The following SPAG16 variants were observed in gnomAD, a reference collection of about 807,000 sequenced individuals.
SPAG16 encodes the protein sperm associated antigen 16.
In SPAG16, 86 loss-of-function variants were observed where a neutral mutation model predicts 80.4. That is an observed-to-expected ratio of 1.07 (90% confidence interval 0.90 to 1.28). SPAG16 has a LOEUF of 1.28. Among genes scored for constraint, SPAG16 ranks in the 50% most tolerant of loss-of-function variants. SPAG16 has a pLI of 0.00. For missense variants in SPAG16, 870 were observed against 765.3 expected (o/e 1.14, Z -1.61); for synonymous variants, 294 against 265.9 (o/e 1.11, Z -1.03).
At position 213,593,742 on chromosome 2, in the gene SPAG16, A is replaced by T. The variant is rs1204367337; in HGVS notation, c.1070+103652A>T. On this transcript the variant is annotated intron_variant, in intron 10 of 15. Coordinates refer to ENST00000331683, the MANE Select transcript of SPAG16 (RefSeq NM_024532.5). ...TTTCTCATACCCCATCATCCCCACC[A>T]CATCTTTTTTTTTTTTTTTTTTTTT... Among the ~76,000 whole-genome samples the T allele has an allele frequency of 4.0e-5, 3 of 75,870 alleles. No individual in the cohort carries two copies. The East Asian group carries it at 1.5e-3, about 37-fold the overall frequency. The allele number at this position is 75,870 out of a possible 152,430, so 49.8% of individuals were successfully genotyped here. A position where few individuals can be genotyped will look rare whatever the true frequency, so the allele number is the denominator to read the frequency against.
At chr2:213,718,754 C>T (rs1355084003) in intron 10 of SPAG16, among the ~76,000 whole-genome samples, 1 of 152,206 alleles carries the variant, frequency 6.6e-6, no homozygotes, top group Non-Finnish European at 1.5e-5. Flanking sequence ...ACCTGCAGCC[C>T]GCCATGCCTG....
intron 10 of SPAG16, among the ~76,000 whole-genome samples, chr2:213,597,238 T>G (rs868347166): frequency 6.6e-6 from 1 of 152,182 alleles, no homozygotes. Context: ...CAACACATAT[T>G]TACTACATTT....
intron 9 of SPAG16, among the ~76,000 whole-genome samples, chr2:213,459,152 C>A (rs1250521488): frequency 6.6e-6 from 1 of 152,048 alleles, no homozygotes; most frequent in Non-Finnish European, 1.5e-5. Context: ...TTGGATTAGT[C>A]TTCCAGTTCA....
chr2:213,935,585 A>G (rs2078953748), intron 12 of SPAG16, among the ~76,000 whole-genome samples: 1 of 152,198 alleles, frequency 6.6e-6, no homozygotes, highest in African/African-American at 2.4e-5. Flanking sequence ...GACTAGTTAT[A>G]AATTATAAAA....
chr2:214,238,614 G>A (rs1203285232), intron 15 of SPAG16: 2 of 149,682 alleles, frequency 1.3e-5, no homozygotes, highest in African/African-American at 2.5e-5. Flanking sequence ...GATTAACAAA[G>A]CACACTGTTA....
chr2:214,245,004 T>C (rs1181489740), intron 15 of SPAG16, among the ~76,000 whole-genome samples: 1 of 152,146 alleles, frequency 6.6e-6, no homozygotes, highest in Non-Finnish European at 1.5e-5. Context: ...GCCAGGACAT[T>C]CTTCAGATTC....
intron 10 of SPAG16, among the ~76,000 whole-genome samples, chr2:213,699,633 A>T (rs1245355122): frequency 1.3e-5 from 2 of 152,168 alleles, no homozygotes; most frequent in African/African-American, 4.8e-5. Context: ...GCCCCTGGAA[A>T]TGTATATACC....
At chr2:214,056,440 A>G (rs1354145707) in intron 13 of SPAG16, among the ~76,000 whole-genome samples, 1 of 152,080 alleles carries the variant, frequency 6.6e-6, no homozygotes, top group Non-Finnish European at 1.5e-5. Flanking sequence ...CTGTCCATAT[A>G]AAAGTTATGA....
chr2:213,887,249 G>C (rs766044533), intron 11 of SPAG16, among the ~76,000 whole-genome samples: 1 of 151,942 alleles, frequency 6.6e-6, no homozygotes, highest in Non-Finnish European at 1.5e-5. Context: ...TTGTTTCTCT[G>C]TTCCTGAATC....
intron 14 of SPAG16, among the ~76,000 whole-genome samples, 178 bp downstream of exon 14, chr2:214,108,439 T>TCACA (rs71037342): frequency 0.068 from 8,460 of 124,858 alleles, 412 homozygotes; most frequent in East Asian, 0.31. Context: ...ATTTTAAAAT[T>TCACA]CACACACACA....
rs1447965803 is a variant in SPAG16, at chr2:214,195,333, A to ATAGATAGATAGATAGG, written c.1720+46069_1720+46070insGATAGATAGATAGGTA. On this transcript the variant is annotated intron_variant, in intron 15 of 15. Coordinates refer to ENST00000331683, the MANE Select transcript of SPAG16 (RefSeq NM_024532.5). ...GATAGATAGATAGATAGATAGATAG[A>ATAGATAGATAGATAGG]TATTTGAGAGATATATAGACTTGAC... 5.3e-5 allele frequency among the ~76,000 whole-genome samples: 8 copies of ATAGATAGATAGATAGG among 152,080 alleles called. No individual in the cohort carries two copies. In the South Asian group the frequency reaches 1.7e-3, roughly 32 times the overall value.
At chr2:213,632,543 G>T (rs1285461998) in intron 10 of SPAG16, among the ~76,000 whole-genome samples, 3 of 152,044 alleles carry the variant, frequency 2.0e-5, no homozygotes, top group Non-Finnish European at 4.4e-5. Flanking sequence ...TACTTGTTGT[G>T]CTCTAGATCT....
chr2:213,757,661 T>G (rs1247247629), intron 10 of SPAG16, among the ~76,000 whole-genome samples: 5 of 152,106 alleles, frequency 3.3e-5, no homozygotes, highest in Non-Finnish European at 7.4e-5. Flanking sequence ...TTAATTTCAG[T>G]CAATTTCAGC....
chr2:213,681,040 T>G (rs2064350590), intron 10 of SPAG16, among the ~76,000 whole-genome samples: 1 of 152,148 alleles, frequency 6.6e-6, no homozygotes. Context: ...ATAGCTGACT[T>G]CAGAGAGAGA....
At chr2:213,371,855 G>C (rs911849597) in intron 8 of SPAG16, among the ~76,000 whole-genome samples, 3 of 152,048 alleles carry the variant, frequency 2.0e-5, no homozygotes, top group Admixed American at 6.6e-5. Context: ...ATATTTTAAA[G>C]AATCACCCCG....
intron 15 of SPAG16, among the ~76,000 whole-genome samples, chr2:214,366,916 A>C (rs1192303469): frequency 6.6e-6 from 1 of 152,158 alleles, no homozygotes; most frequent in Non-Finnish European, 1.5e-5. Flanking sequence ...TTACATCCCA[A>C]AATCTGTTAT....
chr2:213,367,656 G>T (rs1226257786), intron 8 of SPAG16, among the ~76,000 whole-genome samples: 1 of 151,480 alleles, frequency 6.6e-6, no homozygotes, highest in Non-Finnish European at 1.5e-5. Flanking sequence ...CTTGTAAATT[G>T]GTTTGAGTTC....
chr2:213,586,059 G>A (rs1231016367), intron 10 of SPAG16, among the ~76,000 whole-genome samples: 1 of 152,036 alleles, frequency 6.6e-6, no homozygotes, highest in African/African-American at 2.4e-5. Flanking sequence ...GATTACATAA[G>A]AAAGAAGTAG....
At chr2:214,337,653 G>T (rs750288570) in intron 15 of SPAG16, among the ~76,000 whole-genome samples, 13 of 152,172 alleles carry the variant, frequency 8.5e-5, no homozygotes, top group Non-Finnish European at 1.6e-4. Flanking sequence ...CATGGCTATA[G>T]GGGATGATCC....
Sources: allele counts gnomAD v4.1 joint callset (sites outside exome capture counted in the v4.1 genomes callset), GRCh38; gene constraint gnomAD v4.1.1; transcripts MANE v1.5; gene names NCBI Gene and HGNC (gene_info 2026-07-23, HGNC 2026-07-21).